OPCML: variants seen among roughly 807,000 people sequenced by gnomAD.
The protein encoded by OPCML is opioid binding protein/cell adhesion molecule like.
In OPCML, 13 loss-of-function variants were observed where a neutral mutation model predicts 37.8. The ratio of observed to expected loss-of-function variants is 0.34; its 90% confidence interval spans 0.22 to 0.55. OPCML has a LOEUF of 0.55. OPCML is among the 20% of genes least tolerant of loss of function. The probability of loss-of-function intolerance (pLI) is 0.91; values close to 1 mark genes in which losing one functional copy is unlikely to be tolerated. For missense variants in OPCML, 341 were observed against 435.6 expected, an observed-to-expected ratio of 0.78 and a Z score of 1.93; for synonymous variants, 176 against 168.8, an observed-to-expected ratio of 1.04 and a Z score of -0.33.
rs969697487 is a variant in OPCML at position 132,418,065 on chromosome 11, A to G, written c.*2128T>C. The G allele has an allele frequency of 6.6e-6, 1 of 152,222 alleles. No homozygotes were observed. The highest frequency in any genetic ancestry group is 1.5e-5 in the Non-Finnish European group (1 of 68,048). 9.4% of individuals were successfully genotyped at this position (152,222 alleles called of 1,614,324 possible). A position where few individuals can be genotyped will look rare whatever the true frequency, so the allele number is the denominator to read the frequency against. On this transcript the variant is annotated 3_prime_UTR_variant, in exon 8 of 8. Coordinates refer to ENST00000524381, the MANE Select transcript of OPCML (RefSeq NM_001012393.5). ...TTTGTATGTATGTATATATGTATAG[A>G]TATCTCTGTGTGTGTTTCCCCATGG...
At chr11:133,391,121 G>T (rs932782294) in intron 1 of OPCML, among the ~76,000 whole-genome samples, 4 of 152,190 alleles carry the variant, frequency 2.6e-5, no homozygotes, top group Non-Finnish European at 5.9e-5. Context: ...GTCAAGCTGC[G>T]GAATGAATGT....
intron 3 of OPCML, among the ~76,000 whole-genome samples, chr11:132,655,454 CA>C (rs1432070630): frequency 6.6e-6 from 1 of 152,222 alleles, no homozygotes; most frequent in Non-Finnish European, 1.5e-5. Context: ...GGAGAAGTAT[CA>C]GATGTGACAG....
At chr11:132,892,624 G>A (rs540653424) in intron 2 of OPCML, among the ~76,000 whole-genome samples, 29 of 152,182 alleles carry the variant, frequency 1.9e-4, no homozygotes, top group African/African-American at 7.0e-4. Context: ...AAAATTAGCT[G>A]GGCCTGGTGG....
chr11:132,986,451 C>T (rs1458744423), intron 1 of OPCML, among the ~76,000 whole-genome samples: 1 of 152,106 alleles, frequency 6.6e-6, no homozygotes, highest in Non-Finnish European at 1.5e-5. Context: ...AAGTCAGTCT[C>T]CAACACACTT....
intron 1 of OPCML, among the ~76,000 whole-genome samples, chr11:133,017,382 CCT>C (rs763255905): frequency 6.6e-6 from 1 of 151,882 alleles, no homozygotes; most frequent in Non-Finnish European, 1.5e-5. Flanking sequence ...CATCGAGACC[CCT>C]CTTTTCCTTT....
chr11:132,422,715 C>T (rs977496196), intron 7 of OPCML, among the ~76,000 whole-genome samples: 1 of 152,222 alleles, frequency 6.6e-6, no homozygotes, highest in African/African-American at 2.4e-5. Context: ...AGTTAGACAT[C>T]TTAGCTATGG....
chr11:132,800,236 T>C (rs1661346036), intron 2 of OPCML, among the ~76,000 whole-genome samples: 1 of 152,202 alleles, frequency 6.6e-6, no homozygotes, highest in Non-Finnish European at 1.5e-5. Flanking sequence ...ATTGCTAGTA[T>C]GCAATTGATT....
chr11:132,515,713 C>G (rs1422972003), intron 4 of OPCML, among the ~76,000 whole-genome samples: 1 of 152,140 alleles, frequency 6.6e-6, no homozygotes, highest in African/African-American at 2.4e-5. Flanking sequence ...TACAGAGAAA[C>G]AGCTTATTAA....
chr11:133,238,934 A>G (rs1940624899), intron 1 of OPCML, among the ~76,000 whole-genome samples: 2 of 152,188 alleles, frequency 1.3e-5, no homozygotes, highest in Non-Finnish European at 2.9e-5. Context: ...CTATTACTCT[A>G]ACGTTAATTG....
chr11:132,727,602 G>T (rs1044665050), intron 2 of OPCML, among the ~76,000 whole-genome samples: 6 of 152,136 alleles, frequency 3.9e-5, no homozygotes, highest in Admixed American at 1.3e-4. Flanking sequence ...TCATCCAGGC[G>T]TCTTTAAAAA....
At chr11:133,264,983 G>A (rs998275132) in intron 1 of OPCML, among the ~76,000 whole-genome samples, 4 of 152,176 alleles carry the variant, frequency 2.6e-5, no homozygotes, top group African/African-American at 9.7e-5. Context: ...AAAGCTTGGA[G>A]ATTTTAAACT....
At chr11:133,268,546 G>A (rs1481911207) in intron 1 of OPCML, among the ~76,000 whole-genome samples, 1 of 152,184 alleles carries the variant, frequency 6.6e-6, no homozygotes, top group Non-Finnish European at 1.5e-5. Flanking sequence ...GGAAGCCATA[G>A]TCATCAGAGA....
chr11:132,435,514 G>A (rs2096010050), intron 7 of OPCML, among the ~76,000 whole-genome samples: 2 of 152,182 alleles, frequency 1.3e-5, no homozygotes, highest in Admixed American at 6.5e-5. Context: ...GGAGACATAG[G>A]GGCTTTAAAG....
intron 1 of OPCML, among the ~76,000 whole-genome samples, chr11:133,261,706 G>C (rs985346400): frequency 2.6e-5 from 4 of 152,260 alleles, no homozygotes; most frequent in Non-Finnish European, 5.9e-5. Flanking sequence ...TTGGTTGAAG[G>C]AAGAGAGGGT....
At chr11:132,847,635 ACT>A (rs1222023708) in intron 2 of OPCML, among the ~76,000 whole-genome samples, 1 of 151,962 alleles carries the variant, frequency 6.6e-6, no homozygotes, top group African/African-American at 2.4e-5. Flanking sequence ...CAAGTTTCTC[ACT>A]CTCTTTCAGG....
At chr11:133,386,076 T>C (rs1464626907) in intron 1 of OPCML, among the ~76,000 whole-genome samples, 1 of 152,192 alleles carries the variant, frequency 6.6e-6, no homozygotes, top group Non-Finnish European at 1.5e-5. Flanking sequence ...TGTGTGTTAA[T>C]GAGCTGAAGT....
chr11:133,090,488 T>C (rs1384772241), intron 1 of OPCML, among the ~76,000 whole-genome samples: 1 of 152,146 alleles, frequency 6.6e-6, no homozygotes, highest in Non-Finnish European at 1.5e-5. Context: ...GAAATATAGA[T>C]GGCAAAGGCC....
In OPCML at chr11:133,208,092, C is replaced by A. The variant is rs1270758929; in HGVS notation, c.62-265082G>T. ...CTCCCATAGCATTATTTTTTTCTCT[C>A]TTCAGAGCATCTACCATGATTTATT... On this transcript the variant is annotated intron_variant, in intron 1 of 7. Transcript: ENST00000524381. This position sits in a 1 kb window ranked among gnomAD's most constrained non-coding sequence, Gnocchi z 8.9. 3.3e-5 allele frequency among the ~76,000 whole-genome samples: 5 copies of A among 152,256 alleles called. No homozygotes were observed. In the South Asian group the frequency reaches 1.0e-3, roughly 32 times the overall value.
chr11:132,467,961 G>A (rs1170596098), intron 4 of OPCML, among the ~76,000 whole-genome samples: 3 of 152,174 alleles, frequency 2.0e-5, no homozygotes, highest in African/African-American at 7.2e-5. Flanking sequence ...CGTTCAAGGA[G>A]GCTGTTGACA....
Sources: gnomAD v4.1 joint callset for allele counts (sites outside exome capture counted in the v4.1 genomes callset) on GRCh38, gnomAD v4.1.1 for gene constraint, Gnocchi (gnomAD v3.1) non-coding constraint, MANE v1.5 for transcripts, NCBI Gene and HGNC (gene_info 2026-07-23, HGNC 2026-07-21) for gene names.